Variants in KIF4A observed in about 807,000 individuals in gnomAD.
KIF4A encodes kinesin family member 4A.
KIF4A carries 7 observed loss-of-function variants against 105.9 expected under a neutral mutation model. The observed-to-expected ratio is 0.07, with a 90% CI of 0.04 to 0.12. The LOEUF (loss-of-function observed/expected upper bound fraction) is 0.12, where lower values mean the gene tolerates loss of function less well. KIF4A is among the 10% of genes least tolerant of loss of function. The pLI is 1.00. For synonymous variants in KIF4A, 281 were observed against 331.3 expected (o/e 0.85, Z 1.65); for missense variants, 558 against 929.2 (o/e 0.60, Z 5.19).
intron 20 of KIF4A, among the ~76,000 whole-genome samples, chrX:70,388,364 A>C (rs942591315): frequency 1.9e-4 from 21 of 111,695 alleles, no homozygotes; most frequent in African/African-American, 6.8e-4. Context: ...ACATTTGTGC[A>C]CAAGCCTGTG....
intron 18 of KIF4A, among the ~76,000 whole-genome samples, chrX:70,382,320 A>G (rs1319390956): frequency 9.0e-6 from 1 of 111,583 alleles, no homozygotes; most frequent in Non-Finnish European, 1.9e-5. Flanking sequence ...AATCCCAGCT[A>G]CTCTGGAAGC....
Position 70,406,905 on chromosome X carries a change from C to G in KIF4A, c.3085C>G (p.Arg1029Gly), listed in dbSNP as rs961874200. Residue 1029 changes from arginine to glycine, a missense_variant, in exon 28 of 31, where the codon CGT becomes GGT. This residue lies in a region of KIF4A where 469 missense variants were observed against 680.4 expected (regional missense o/e 0.69). Transcript: ENST00000374403. ...EYVPPKPKPS[R>G]VKEKFLEQSM... ...CCTTTTTTCCTAGCCAAAACCTTCT[C>G]GTGTTAAAGAAAAGTTCCTGGAGCA... The G allele has an allele frequency of 8.3e-7, 1 of 1,209,462 alleles. No homozygotes were observed. Among genetic ancestry groups the G allele is most frequent in the Non-Finnish European group, 1.1e-6 (1 of 895,086 alleles).
intron 8 of KIF4A, among the ~76,000 whole-genome samples, chrX:70,329,779 A>G (rs1365548738): frequency 8.9e-6 from 1 of 111,868 alleles, no homozygotes; most frequent in East Asian, 2.8e-4. Context: ...GAATTTGGTT[A>G]CTGTTTCTTT....
At chrX:70,401,725 T>C (rs2147737578) in intron 22 of KIF4A, among the ~76,000 whole-genome samples, 1 of 112,126 alleles carries the variant, frequency 8.9e-6, no homozygotes, top group African/African-American at 3.2e-5. Flanking sequence ...TTGTACTTTC[T>C]AATACTATAA....
intron 15 of KIF4A, among the ~76,000 whole-genome samples, chrX:70,368,213 G>T (rs923505873): frequency 3.6e-5 from 4 of 111,688 alleles, no homozygotes; most frequent in African/African-American, 1.3e-4. Flanking sequence ...CCTTTAGCTC[G>T]GAGTAGTTTG....
chrX:70,387,249 GA>G lies in KIF4A; in HGVS notation c.2187del (p.Glu730ArgfsTer14). The G allele has an allele frequency of 8.4e-7, 1 of 1,190,194 alleles. No individual in the cohort carries two copies. Among genetic ancestry groups the G allele is most frequent in the Non-Finnish European group, 1.1e-6 (1 of 884,589 alleles). ...AACAACGGGAGGTTGCAGATAAGCG[GA>G]AAGAGACTCAGAGCCGTGGAATGGA... ...QKQREVADKR[K>X]ETQSRGMEGT... On this transcript the variant is annotated frameshift_variant, in exon 20 of 31. Transcript: ENST00000374403. LOFTEE classifies it high-confidence loss of function.
At position 70,371,390 on chromosome X, in the gene KIF4A, C is replaced by T. The variant is rs777125502; in HGVS notation, c.1675-2761C>T. Among the ~76,000 whole-genome samples, 7 of 111,259 alleles carry T rather than the reference C, an allele frequency of 6.3e-5. No homozygotes were observed. In the South Asian group the frequency reaches 1.1e-3, roughly 18 times the overall value. On this transcript the variant is annotated intron_variant, in intron 15 of 30. Coordinates refer to ENST00000374403, the MANE Select transcript of KIF4A (RefSeq NM_012310.5). ...ATGTCTACCTCTTTCTACACAGACA[C>T]GGCAACCATCCGATTTCTCAATCTT... is the stretch of plus-strand genomic sequence containing the variant.
At chrX:70,299,230 T>TA in intron 5 of KIF4A, 28 bp downstream of exon 5, 1 of 1,148,177 alleles carries the variant, frequency 8.7e-7, no homozygotes, top group South Asian at 2.0e-5. Flanking sequence ...TTGATGTTAT[T>TA]AAAAAAATTT....
chrX:70,405,976 C>A, intron 26 of KIF4A, 71 bp downstream of exon 26: 4 of 842,022 alleles, frequency 4.8e-6, no homozygotes, highest in Non-Finnish European at 7.1e-6. Context: ...CTCTTGGGAC[C>A]AACCCCCATT....
chrX:70,387,787 G>A (rs1041106733), intron 20 of KIF4A, among the ~76,000 whole-genome samples: 1 of 111,592 alleles, frequency 9.0e-6, no homozygotes, highest in Non-Finnish European at 1.9e-5. Flanking sequence ...AGAATCGTTT[G>A]AACCTGGGAG....
intron 10 of KIF4A, among the ~76,000 whole-genome samples, chrX:70,336,396 A>G (rs2085950684): frequency 8.9e-6 from 1 of 111,980 alleles, no homozygotes; most frequent in African/African-American, 3.2e-5. Context: ...CTGGGACAAA[A>G]GGTAAGTACA....
rs753074917 is a variant in KIF4A, at chrX:70,331,363, T to C, written c.1071+1031T>C. 5.4e-5 allele frequency among the ~76,000 whole-genome samples: 6 copies of C among 111,457 alleles called. No individual in the cohort carries two copies. In the East Asian group the frequency reaches 1.4e-3, roughly 26 times the overall value. On this transcript the variant is annotated intron_variant, in intron 9 of 30. Coordinates refer to ENST00000374403, the MANE Select transcript of KIF4A (RefSeq NM_012310.5). Reference sequence around the variant, plus strand: ...GCTTACCTTAGGGATGTTGCAGGCTTGGTTCCAGACCACCACAGTAAAGCA... The same window carrying C: ...GCTTACCTTAGGGATGTTGCAGGCTCGGTTCCAGACCACCACAGTAAAGCA...
intron 15 of KIF4A, among the ~76,000 whole-genome samples, chrX:70,365,800 A>T (rs2086100132): frequency 9.0e-6 from 1 of 111,700 alleles, no homozygotes; most frequent in African/African-American, 3.3e-5. Flanking sequence ...ATTGATTGGA[A>T]TAGTTTCAGA....
intron 15 of KIF4A, among the ~76,000 whole-genome samples, chrX:70,356,477 C>T: frequency 9.0e-6 from 1 of 111,023 alleles, no homozygotes; most frequent in Non-Finnish European, 1.9e-5. Context: ...GCGGGAGAAT[C>T]GCTTGAACCC....
chrX:70,315,332 G>A (rs2085865224), intron 7 of KIF4A, among the ~76,000 whole-genome samples: 1 of 112,076 alleles, frequency 8.9e-6, no homozygotes, highest in African/African-American at 3.2e-5. Flanking sequence ...CCCTGGACTA[G>A]TAAAGTTGCT....
intron 15 of KIF4A, among the ~76,000 whole-genome samples, chrX:70,372,331 A>G (rs1243280029): frequency 1.8e-5 from 2 of 112,997 alleles, no homozygotes; most frequent in East Asian, 2.8e-4. Flanking sequence ...AGATCACGCC[A>G]CTGCACTCCA....
chrX:70,411,506 C>T (rs2147741897), intron 28 of KIF4A, among the ~76,000 whole-genome samples: 1 of 108,719 alleles, frequency 9.2e-6, no homozygotes, highest in African/African-American at 3.4e-5. Flanking sequence ...GTATGAGGTA[C>T]AGTGTAACAC....
At position 70,330,043 on chromosome X, in the gene KIF4A, G is replaced by C. The variant is rs181539374; in HGVS notation, c.896-114G>C. 9.7e-5 allele frequency: 55 copies of C among 565,612 alleles called. No individual in the cohort carries two copies. The African/African-American group carries it at 1.1e-3, about 11-fold the overall frequency. 46.6% of individuals were successfully genotyped at this position (565,612 alleles called of 1,213,427 possible). The stretch of plus-strand genomic sequence containing the variant: ...ATTATTTCAATATAAAAAACACTAA[G>C]AACTTTTTCTTATAGCTCTGAATTT... On this transcript the variant is annotated intron_variant, in intron 8 of 30. Coordinates refer to ENST00000374403, the MANE Select transcript of KIF4A (RefSeq NM_012310.5).
intron 19 of KIF4A, 104 bp downstream of exon 19, chrX:70,386,805 A>G (rs1400977295): frequency 1.4e-5 from 8 of 579,048 alleles, no homozygotes. Flanking sequence ...GAAACCAGGG[A>G]TGCCAATCTT....
Sources: allele counts gnomAD v4.1 joint callset (sites outside exome capture counted in the v4.1 genomes callset), GRCh38; gene constraint gnomAD v4.1.1; regional missense constraint gnomAD v4.1.1; transcripts MANE v1.5; gene names NCBI Gene and HGNC (gene_info 2026-07-23, HGNC 2026-07-21).